EIF2B1: variants seen among roughly 807,000 people sequenced by gnomAD.
EIF2B1 encodes translation initiation factor eIF2B subunit alpha.
In EIF2B1, 30 loss-of-function variants were observed where a neutral mutation model predicts 36.8. The observed-to-expected ratio is 0.81, with a 90% CI of 0.61 to 1.10. EIF2B1 has a LOEUF of 1.10. EIF2B1 is among the 50% of genes least tolerant of loss of function. The pLI, the probability that EIF2B1 is intolerant of heterozygous loss-of-function variation, is 0.00. For missense variants in EIF2B1, 271 were observed against 374.8 expected, an observed-to-expected ratio of 0.72 and a Z score of 2.29; for synonymous variants, 139 against 142.2, an observed-to-expected ratio of 0.98 and a Z score of 0.16.
Position 123,620,608 on chromosome 12 carries a change from ATATATATATATATATATAT to A in EIF2B1, c.*1129_*1147del, listed in dbSNP as rs1566211227. 2 of 76,584 alleles carry A rather than the reference ATATATATATATATATATAT, an allele frequency of 2.6e-5. No homozygotes were observed. Among genetic ancestry groups the A allele is most frequent in the African/African-American group, 4.1e-5 (1 of 24,678 alleles). 4.7% of individuals were successfully genotyped at this position (76,584 alleles called of 1,614,324 possible). ...TATATATATATATATATATATATAT[ATATATATATATATATATAT>A]AAGCTCTTTTTTCTGAGGCTATTTT... On this transcript the variant is annotated 3_prime_UTR_variant, in exon 9 of 9. Transcript: ENST00000424014.
chr12:123,621,537 G>A lies in EIF2B1; in HGVS notation c.*219C>T, dbSNP rs1034405666. On this transcript the variant is annotated 3_prime_UTR_variant, in exon 9 of 9. Coordinates refer to ENST00000424014, the MANE Select transcript of EIF2B1 (RefSeq NM_001414.4). Reference sequence around the variant, plus strand: ...CTGAAAAGGAAAGTTTCTAGAAACCGTAAGAACAATTTAAGTTGGGATTTA... The same window carrying A: ...CTGAAAAGGAAAGTTTCTAGAAACCATAAGAACAATTTAAGTTGGGATTTA... The A allele has an allele frequency of 1.2e-4, 73 of 597,524 alleles. No homozygotes were observed. Among genetic ancestry groups the A allele is most frequent in the Admixed American group, 2.0e-4 (7 of 34,164 alleles). 37.0% of individuals were successfully genotyped at this position (597,524 alleles called of 1,614,324 possible).
chr12:123,632,717 C>A (rs1006129950), intron 1 of EIF2B1, among the ~76,000 whole-genome samples: 1 of 151,800 alleles, frequency 6.6e-6, no homozygotes, highest in South Asian at 2.1e-4. Context: ...GAGTCCGAGG[C>A]GGGCGGATCA....
rs759493661 is a variant in EIF2B1, at chr12:123,622,659, G to C, written c.730C>G (p.Gln244Glu). 2 of 1,614,150 alleles carry C rather than the reference G, an allele frequency of 1.2e-6. No individual in the cohort carries two copies. The highest frequency in any genetic ancestry group is 1.1e-5 in the South Asian group (1 of 91,088). ...KFVRLFPLNQQDVPDKFKYKA... is the reference protein window; with the variant it reads ...KFVRLFPLNQEDVPDKFKYKA... Reference sequence around the variant, plus strand: ...GCCTTAAACTTATCTGGGACGTCTTGCTGGTTTAGTGGAAAGAGCCGGACA... The same window carrying C: ...GCCTTAAACTTATCTGGGACGTCTTCCTGGTTTAGTGGAAAGAGCCGGACA... Residue 244 changes from glutamine (Q) to glutamate (E), a missense_variant, in exon 8 of 9, where the codon CAA becomes GAA. Transcript: ENST00000424014.
At chr12:123,623,663 G>A (rs953747913) in intron 7 of EIF2B1, among the ~76,000 whole-genome samples, 12 of 152,028 alleles carry the variant, frequency 7.9e-5, no homozygotes, top group African/African-American at 1.7e-4. Flanking sequence ...TAGTAGATAT[G>A]GGGTTTCACC....
In EIF2B1 at chr12:123,630,591, A is replaced by G; in HGVS notation, c.116-58T>C. ...CATTAGGGCCACAGCCCCGACCTGT[A>G]TCTTCAATTCATTCATTCATTCAGT... On this transcript the variant is annotated intron_variant, in intron 2 of 8. Coordinates refer to ENST00000424014, the MANE Select transcript of EIF2B1 (RefSeq NM_001414.4). This position sits in a 1 kb window ranked among gnomAD's most constrained non-coding sequence, Gnocchi z 4.6. 6.2e-7 allele frequency: 1 copy of G among 1,602,078 alleles called. No homozygotes were observed. Among genetic ancestry groups the G allele is most frequent in the Non-Finnish European group, 8.5e-7 (1 of 1,177,218 alleles).
chr12:123,626,232 T>C, intron 6 of EIF2B1, 193 bp downstream of exon 6: 1 of 634,094 alleles, frequency 1.6e-6, no homozygotes, highest in African/African-American at 1.8e-5. Context: ...CCCAACATCC[T>C]ACAGCTCTGT....
chr12:123,629,814 AAAAT>A (rs1292995679), intron 4 of EIF2B1, among the ~76,000 whole-genome samples: 1 of 148,866 alleles, frequency 6.7e-6, no homozygotes, highest in Non-Finnish European at 1.5e-5. Context: ...ATAAATAAAT[AAAAT>A]AAATCAAGAA....
Position 123,633,579 on chromosome 12 carries a change from C to T in EIF2B1, c.-22G>A. 6.2e-7 allele frequency: 1 copy of T among 1,608,864 alleles called. No individual in the cohort carries two copies. The highest frequency in any genetic ancestry group is 1.7e-5 in the Admixed American group (1 of 60,016). ...CCATGGCGTCCTCCTGCTGCGGAGC[C>T]CCAGGGGACCCGAGCCGCCCGCGCT... is the stretch of plus-strand genomic sequence containing the variant. On this transcript the variant is annotated 5_prime_UTR_variant, in exon 1 of 9. Transcript: ENST00000424014.
chr12:123,625,955 A>AC (rs1342260371), intron 6 of EIF2B1: 1 of 185,780 alleles, frequency 5.4e-6, no homozygotes, highest in Non-Finnish European at 1.1e-5. Context: ...ACATGGTGAA[A>AC]CCCCATCTCT....
rs1330996415 is a variant in EIF2B1, at chr12:123,632,283, AAAG to A, written c.115+59_115+61del. 904 of 1,122,342 alleles carry A rather than the reference AAAG, an allele frequency of 8.1e-4. 17 individuals are homozygous for A. The highest frequency in any genetic ancestry group is 1.3e-3 in the African/African-American group (78 of 61,052). The allele number at this position is 1,122,342 out of a possible 1,614,324, so 69.5% of individuals were successfully genotyped here. ...GCTCCGTCTCTTTAAAAAAAAAAAA[AAAG>A]AAAAGAAAAAAAAGACTATCCTAAG... On this transcript the variant is annotated intron_variant, in intron 2 of 8. Coordinates refer to ENST00000424014, the MANE Select transcript of EIF2B1 (RefSeq NM_001414.4).
At chr12:123,623,969 C>A (rs907262800) in intron 7 of EIF2B1, among the ~76,000 whole-genome samples, 1 of 151,664 alleles carries the variant, frequency 6.6e-6, no homozygotes, top group Non-Finnish European at 1.5e-5. Context: ...GCTAGGAGTT[C>A]AAGACTGCAG....
chr12:123,620,474 T>G lies in EIF2B1; in HGVS notation c.*1282A>C. On this transcript the variant is annotated 3_prime_UTR_variant, in exon 9 of 9. Transcript: ENST00000424014. ...CATTAAAAACAACAAAACAAAACAATTCCAGTCTTGGAGTAGTCTAACAGA... is the reference window on the plus strand; with the variant it reads ...CATTAAAAACAACAAAACAAAACAAGTCCAGTCTTGGAGTAGTCTAACAGA... 5.8e-6 allele frequency: 1 copy of G among 171,112 alleles called. No homozygotes were observed. Among genetic ancestry groups the G allele is most frequent in the East Asian group, 1.5e-4 (1 of 6,826 alleles). 10.6% of individuals were successfully genotyped at this position (171,112 alleles called of 1,614,324 possible).
At chr12:123,631,835 G>T (rs534285515) in intron 2 of EIF2B1, among the ~76,000 whole-genome samples, 2 of 151,276 alleles carry the variant, frequency 1.3e-5, no homozygotes, top group Non-Finnish European at 2.9e-5. Flanking sequence ...TTTGCCAGGC[G>T]TGGTGGTGCA....
chr12:123,633,364 G>A (rs1955216988), intron 1 of EIF2B1, among the ~76,000 whole-genome samples, 181 bp downstream of exon 1: 2 of 151,696 alleles, frequency 1.3e-5, no homozygotes, highest in Admixed American at 1.3e-4. Context: ...ATACTGCCAG[G>A]GCGCATCCCT....
At position 123,621,752 on chromosome 12, in the gene EIF2B1, C is replaced by A. The variant is rs762485276; in HGVS notation, c.*4G>T. On this transcript the variant is annotated 3_prime_UTR_variant, in exon 9 of 9. Transcript: ENST00000424014. ...CTGCACCTTGGCAGGAAAGGGCTCA[C>A]AGGTTACAGATAGAGCTTGATGAGC... The A allele has an allele frequency of 6.2e-7, 1 of 1,613,428 alleles. No homozygotes were observed. The highest frequency in any genetic ancestry group is 1.7e-5 in the Admixed American group (1 of 60,010).
intron 5 of EIF2B1, chr12:123,626,837 A>G (rs1387785493): frequency 5.7e-6 from 4 of 705,298 alleles, no homozygotes; most frequent in South Asian, 1.5e-5. Context: ...GGAGTTAACT[A>G]CTTAAGTGAA....
intron 1 of EIF2B1, 107 bp from the exon 2 acceptor site, chr12:123,632,553 C>A: frequency 2.5e-6 from 2 of 811,928 alleles, no homozygotes; most frequent in Non-Finnish European, 4.2e-6. Context: ...TTAAAAAATA[C>A]TTTCTTTTTA....
At chr12:123,632,838 T>C (rs1047546397) in intron 1 of EIF2B1, among the ~76,000 whole-genome samples, 2 of 148,058 alleles carry the variant, frequency 1.4e-5, no homozygotes, top group African/African-American at 5.0e-5. Context: ...CCCAGCTACT[T>C]GGGAGGCTGA....
chr12:123,630,087 G>C lies in EIF2B1; in HGVS notation c.369+82C>G. 8.4e-7 allele frequency: 1 copy of C among 1,197,090 alleles called. No individual in the cohort carries two copies. Among genetic ancestry groups the C allele is most frequent in the Non-Finnish European group, 1.2e-6 (1 of 806,200 alleles). The allele number at this position is 1,197,090 out of a possible 1,614,324, so 74.2% of individuals were successfully genotyped here. A position where few individuals can be genotyped will look rare whatever the true frequency, so the allele number is the denominator to read the frequency against. On this transcript the variant is annotated intron_variant, in intron 4 of 8. Transcript: ENST00000424014. The surrounding 1 kb of genome is among the most constrained non-coding windows in gnomAD (Gnocchi z 4.6). ...TTGTTCAAGTCTCCACAGCAAGTGA[G>C]TGGCAGAGCCCGGATTTTACCCCAG...
Sources: gnomAD v4.1 joint callset for allele counts (sites outside exome capture counted in the v4.1 genomes callset) on GRCh38, gnomAD v4.1.1 for gene constraint, Gnocchi (gnomAD v3.1) non-coding constraint, MANE v1.5 for transcripts, NCBI Gene and HGNC (gene_info 2026-07-23, HGNC 2026-07-21) for gene names.